Variants in DLGAP2 observed in about 807,000 individuals in gnomAD.
The protein encoded by DLGAP2 is DLG associated protein 2.
Under a neutral mutation model 100.3 loss-of-function variants are expected in DLGAP2, and 26 were observed. The observed-to-expected ratio is 0.26, with a 90% CI of 0.19 to 0.36. The LOEUF is 0.36. DLGAP2 is among the 10% of genes least tolerant of loss of function. DLGAP2 has a pLI of 1.00. For synonymous variants in DLGAP2, 886 were observed against 630.1 expected (o/e 1.41, Z -6.08); for missense variants, 1,858 against 1,453.2 (o/e 1.28, Z -4.53).
chr8:1,603,411 G>A (rs1483293504), intron 6 of DLGAP2, among the ~76,000 whole-genome samples: 1 of 151,714 alleles, frequency 6.6e-6, no homozygotes. Context: ...TGGTTAGAGT[G>A]GAGGCTGGGT....
chr8:1,291,309 G>C (rs139775964), intron 3 of DLGAP2, among the ~76,000 whole-genome samples: 2,230 of 152,222 alleles, frequency 0.015, 19 homozygotes, highest in South Asian at 0.036. Context: ...ATGGACTCAA[G>C]ATAAAGGGAT....
chr8:1,198,694 G>A (rs1462421776), intron 2 of DLGAP2, among the ~76,000 whole-genome samples: 1 of 152,150 alleles, frequency 6.6e-6, no homozygotes, highest in Non-Finnish European at 1.5e-5. Flanking sequence ...GGTCAGGCAG[G>A]CCCCTCATGT....
At chr8:1,245,611 G>C (rs1004396518) in intron 2 of DLGAP2, among the ~76,000 whole-genome samples, 2 of 152,212 alleles carry the variant, frequency 1.3e-5, no homozygotes, top group African/African-American at 4.8e-5. Flanking sequence ...CTGCCGAAGG[G>C]CATGGATTTA....
At chr8:1,156,568 C>A (rs559498562) in intron 2 of DLGAP2, among the ~76,000 whole-genome samples, 3 of 152,050 alleles carry the variant, frequency 2.0e-5, no homozygotes, top group South Asian at 4.1e-4. Context: ...TCTAGCTCAG[C>A]GCCCCTGCTC....
intron 2 of DLGAP2, among the ~76,000 whole-genome samples, chr8:936,012 G>C (rs1469803032): frequency 1.3e-5 from 2 of 152,198 alleles, no homozygotes; most frequent in African/African-American, 4.8e-5. Context: ...TCATTAAAAT[G>C]ACCGAGGACC....
chr8:1,237,598 C>T (rs1273747698), intron 2 of DLGAP2, among the ~76,000 whole-genome samples: 1 of 148,216 alleles, frequency 6.7e-6, no homozygotes, highest in Middle Eastern at 3.4e-3. Flanking sequence ...AGTTCTCTCA[C>T]ATGGCGCCGT....
intron 6 of DLGAP2, among the ~76,000 whole-genome samples, chr8:1,567,660 A>T (rs1457699212): frequency 6.6e-6 from 1 of 152,106 alleles, no homozygotes; most frequent in African/African-American, 2.4e-5. Context: ...CACATCAGGG[A>T]CTGGCCCAGA....
intron 2 of DLGAP2, among the ~76,000 whole-genome samples, chr8:1,090,864 C>G (rs1056470654): frequency 6.6e-6 from 1 of 152,202 alleles, no homozygotes; most frequent in African/African-American, 2.4e-5. Context: ...TCTGTTTAGA[C>G]TCACATGAAA....
At chr8:955,906 G>A (rs566900070) in intron 2 of DLGAP2, among the ~76,000 whole-genome samples, 3 of 152,206 alleles carry the variant, frequency 2.0e-5, no homozygotes, top group South Asian at 4.2e-4. Context: ...TGTGTTGCTC[G>A]GTATTAAGAA....
chr8:850,358 G>T (rs1011455471), intron 1 of DLGAP2, among the ~76,000 whole-genome samples: 1 of 152,096 alleles, frequency 6.6e-6, no homozygotes, highest in Non-Finnish European at 1.5e-5. Context: ...AAGTTACGCT[G>T]CCTCTTGAAA....
chr8:1,472,545 G>A (rs560958417), intron 3 of DLGAP2, among the ~76,000 whole-genome samples: 17 of 152,098 alleles, frequency 1.1e-4, no homozygotes, highest in African/African-American at 1.9e-4. Context: ...TCAGGGTCTC[G>A]GGCCCGAGTG....
intron 3 of DLGAP2, among the ~76,000 whole-genome samples, chr8:1,457,541 G>A (rs923377355): frequency 3.3e-5 from 5 of 152,212 alleles, no homozygotes; most frequent in Non-Finnish European, 7.3e-5. Context: ...ATGGCAGCAA[G>A]TTGAAACTTT....
chr8:1,317,680 G>C (rs1289419746), intron 3 of DLGAP2, among the ~76,000 whole-genome samples: 2 of 135,816 alleles, frequency 1.5e-5, no homozygotes, highest in African/African-American at 3.0e-5. Flanking sequence ...TGCGAGTGCA[G>C]CGTCTCTCCA....
At chr8:763,425 G>A (rs777424054) in intron 1 of DLGAP2, among the ~76,000 whole-genome samples, 1 of 152,186 alleles carries the variant, frequency 6.6e-6, no homozygotes, top group African/African-American at 2.4e-5. Flanking sequence ...TGTTGCTGCC[G>A]TGCTCTTCTG....
chr8:1,287,773 GTGTGTGTCTGTGTGTA>G (rs1799973647), intron 3 of DLGAP2, among the ~76,000 whole-genome samples: 1 of 55,342 alleles, frequency 1.8e-5, no homozygotes, highest in East Asian at 4.1e-4. Context: ...GTGTGTGTGT[GTGTGTGTCTGTGTGTA>G]TGTGTGTGTG....
intron 5 of DLGAP2, among the ~76,000 whole-genome samples, chr8:1,552,694 TAAG>T (rs1369972620): frequency 1.3e-5 from 2 of 152,242 alleles, no homozygotes; most frequent in African/African-American, 4.8e-5. Context: ...TTTAAAAGAA[TAAG>T]AAGAGAGAAA....
At chr8:1,451,683 T>G (rs916620902) in intron 3 of DLGAP2, among the ~76,000 whole-genome samples, 14 of 152,082 alleles carry the variant, frequency 9.2e-5, no homozygotes, top group African/African-American at 2.9e-4. Context: ...CAGCAGCCCC[T>G]TCTCAGCCAT....
chr8:998,762 G>C (rs1425177645), intron 2 of DLGAP2, among the ~76,000 whole-genome samples: 2 of 152,104 alleles, frequency 1.3e-5, no homozygotes, highest in East Asian at 3.9e-4. Context: ...TTAAATGTTT[G>C]GCTCATACCC....
intron 2 of DLGAP2, among the ~76,000 whole-genome samples, chr8:975,966 T>A (rs191222791): frequency 6.6e-6 from 1 of 152,246 alleles, no homozygotes; most frequent in African/African-American, 2.4e-5. Context: ...CAACAAAAAT[T>A]ACCCTGAAAC....
Sources: allele counts gnomAD v4.1 joint callset (sites outside exome capture counted in the v4.1 genomes callset), GRCh38; gene constraint gnomAD v4.1.1; transcripts MANE v1.5; gene names NCBI Gene and HGNC (gene_info 2026-07-23, HGNC 2026-07-21).